Variants in MAST4 observed in about 807,000 individuals in gnomAD.
The protein encoded by MAST4 is microtubule associated serine/threonine kinase family member 4.
A neutral mutation model predicts 162.7 loss-of-function variants in MAST4; 89 were observed. The ratio of observed to expected loss-of-function variants is 0.55; its 90% confidence interval spans 0.46 to 0.65. The LOEUF is 0.65. MAST4 is among the 30% of genes least tolerant of loss of function. The pLI is 0.00. For synonymous variants in MAST4, 1,479 were observed against 1,361.1 expected, an observed-to-expected ratio of 1.09 and a Z score of -1.91; for missense variants, 3,153 against 3,374.0, an observed-to-expected ratio of 0.93 and a Z score of 1.62.
intron 3 of MAST4, among the ~76,000 whole-genome samples, chr5:66,863,202 C>G (rs965969357): frequency 6.6e-6 from 1 of 152,160 alleles, no homozygotes; most frequent in Non-Finnish European, 1.5e-5. Flanking sequence ...ATCTAGTTCA[C>G]CCCTTCAGCA....
At chr5:67,033,802 T>G (rs137947448) in intron 4 of MAST4, among the ~76,000 whole-genome samples, 3 of 152,168 alleles carry the variant, frequency 2.0e-5, no homozygotes, top group Non-Finnish European at 4.4e-5. Flanking sequence ...AAAATAAGTT[T>G]AGGTTTCAAA....
chr5:67,166,532 C>T lies in MAST4; in HGVS notation c.7353C>T (p.Ser2451=), dbSNP rs1381476298. The T allele has an allele frequency of 1.9e-6, 3 of 1,607,428 alleles. No homozygotes were observed. The South Asian group carries it at 3.3e-5, about 18-fold the overall frequency. ...CCACTGGGCAGAGTTCTTTCCGATC[C>T]ACGGCCCTCCCGGAAAAGTCTCTGA... ...PSATGQSSFR[S]TALPEKSLSC... Residue 2451 remains serine (S), a synonymous_variant, in exon 29 of 29, where the codon TCC becomes TCT. Transcript: ENST00000403625.
At chr5:66,626,720 A>C (rs748935470) in intron 1 of MAST4, among the ~76,000 whole-genome samples, 134 of 152,208 alleles carry the variant, frequency 8.8e-4, no homozygotes, top group Non-Finnish European at 1.7e-3. Flanking sequence ...TCAGTGCTGA[A>C]AATGCCATGC....
chr5:66,993,282 A>G (rs1329835542), intron 4 of MAST4, among the ~76,000 whole-genome samples: 1 of 152,222 alleles, frequency 6.6e-6, no homozygotes, highest in Admixed American at 6.5e-5. Context: ...AAAAATAGAA[A>G]AATAACTGTT....
chr5:66,819,329 G>A (rs1193392860), intron 3 of MAST4, among the ~76,000 whole-genome samples: 3 of 152,098 alleles, frequency 2.0e-5, no homozygotes, highest in Non-Finnish European at 4.4e-5. Flanking sequence ...GCTCAATATT[G>A]GTGAAAGTCA....
intron 1 of MAST4, among the ~76,000 whole-genome samples, chr5:66,715,044 C>A (rs1750732882): frequency 6.6e-6 from 1 of 152,150 alleles, no homozygotes; most frequent in Non-Finnish European, 1.5e-5. Flanking sequence ...AGGCACTGGG[C>A]CCATGGAGAG....
chr5:66,607,102 G>C (rs541976627), intron 1 of MAST4, among the ~76,000 whole-genome samples: 1 of 152,294 alleles, frequency 6.6e-6, no homozygotes, highest in Non-Finnish European at 1.5e-5. Context: ...GAGGAGAATA[G>C]TAGGGAGATA....
At chr5:66,792,693 G>A (rs1561334618) in intron 3 of MAST4, among the ~76,000 whole-genome samples, 1 of 152,146 alleles carries the variant, frequency 6.6e-6, no homozygotes, top group Non-Finnish European at 1.5e-5. Flanking sequence ...CTATGATACA[G>A]GCTAAATCCC....
intron 1 of MAST4, among the ~76,000 whole-genome samples, chr5:66,665,103 A>C (rs1324363528): frequency 6.6e-6 from 1 of 152,248 alleles, no homozygotes; most frequent in Non-Finnish European, 1.5e-5. Flanking sequence ...AAAACCGATT[A>C]AAGAGGAATG....
At chr5:66,689,690 A>T (rs1422709916) in intron 1 of MAST4, among the ~76,000 whole-genome samples, 1 of 152,176 alleles carries the variant, frequency 6.6e-6, no homozygotes, top group African/African-American at 2.4e-5. Flanking sequence ...GTCTGTCCCC[A>T]GAGTTGATAA....
In MAST4 at chr5:66,794,030, A is replaced by T. The variant is rs145564825; in HGVS notation, c.642+5236A>T. 2.3e-4 allele frequency among the ~76,000 whole-genome samples: 35 copies of T among 152,334 alleles called. No homozygotes were observed. The East Asian group carries it at 6.7e-3, about 29-fold the overall frequency. On this transcript the variant is annotated intron_variant, in intron 3 of 28. Transcript: ENST00000403625. ...CAGTGAACTTGTTGAATGCATAAAC[A>T]TATGTCTCCTTTCTGTACATTTTCA...
At chr5:67,021,716 G>C (rs1344946458) in intron 4 of MAST4, among the ~76,000 whole-genome samples, 1 of 152,180 alleles carries the variant, frequency 6.6e-6, no homozygotes, top group Non-Finnish European at 1.5e-5. Flanking sequence ...GAATGTGCCA[G>C]GTGAGGACTT....
intron 14 of MAST4, among the ~76,000 whole-genome samples, chr5:67,127,645 G>A (rs1167179718): frequency 6.6e-6 from 1 of 152,032 alleles, no homozygotes; most frequent in Admixed American, 6.6e-5. Flanking sequence ...TTCTATTTGA[G>A]GGATGGCCAA....
chr5:66,636,762 G>A (rs1745149638), intron 1 of MAST4, among the ~76,000 whole-genome samples: 2 of 152,154 alleles, frequency 1.3e-5, no homozygotes, highest in South Asian at 4.1e-4. Context: ...AGAATGTCGT[G>A]CTACCTCCAC....
intron 1 of MAST4, among the ~76,000 whole-genome samples, chr5:66,622,184 AGTGACTT>A (rs369324793): frequency 4.0e-4 from 61 of 152,298 alleles, no homozygotes; most frequent in African/African-American, 1.3e-3. Flanking sequence ...TTTCCGTGAA[AGTGACTT>A]GTGTAAAGAT....
intron 3 of MAST4, among the ~76,000 whole-genome samples, chr5:66,847,878 G>C (rs1251725767): frequency 6.8e-6 from 1 of 147,946 alleles, no homozygotes; most frequent in Non-Finnish European, 1.5e-5. Context: ...GCTACACTGG[G>C]TGTATGAAGA....
chr5:67,022,196 G>C (rs1337260445), intron 4 of MAST4, among the ~76,000 whole-genome samples: 1 of 152,150 alleles, frequency 6.6e-6, no homozygotes, highest in Non-Finnish European at 1.5e-5. Context: ...GCATATTCGT[G>C]CTTATAGCTT....
intron 3 of MAST4, among the ~76,000 whole-genome samples, chr5:66,862,656 A>G (rs1231711686): frequency 1.3e-5 from 2 of 152,240 alleles, no homozygotes; most frequent in East Asian, 1.9e-4. Flanking sequence ...CAAAACACAC[A>G]TATTATGAAG....
chr5:67,005,945 C>A (rs557951168), intron 4 of MAST4, among the ~76,000 whole-genome samples: 33 of 152,314 alleles, frequency 2.2e-4, no homozygotes, highest in Non-Finnish European at 3.8e-4. Context: ...GTCAGATAAA[C>A]AGGATGCAGG....
Sources: allele counts gnomAD v4.1 joint callset (sites outside exome capture counted in the v4.1 genomes callset), GRCh38; gene constraint gnomAD v4.1.1; transcripts MANE v1.5; gene names NCBI Gene and HGNC (gene_info 2026-07-23, HGNC 2026-07-21).